Variants in SGCD observed in about 807,000 individuals in gnomAD.
SGCD encodes sarcoglycan delta, also known as delta-sarcoglycan.
SGCD carries 18 observed loss-of-function variants against 36.6 expected under a neutral mutation model. That is an observed-to-expected ratio of 0.49 (90% CI 0.34 to 0.73). The LOEUF (loss-of-function observed/expected upper bound fraction) is 0.73. SGCD is among the 30% of genes least tolerant of loss of function. The probability of loss-of-function intolerance (pLI) is 0.01; values close to 1 mark genes in which losing one functional copy is unlikely to be tolerated. For synonymous variants in SGCD, 133 were observed against 130.6 expected (o/e 1.02, Z -0.12); for missense variants, 387 against 346.7 (o/e 1.12, Z -0.92).
At chr5:156,345,704 C>T (rs1348760480) in intron 3 of SGCD, among the ~76,000 whole-genome samples, 1 of 151,962 alleles carries the variant, frequency 6.6e-6, no homozygotes, top group African/African-American at 2.4e-5. Context: ...AATAACAAAC[C>T]AAGAAACAAA....
chr5:156,423,300 A>ATATAT (rs1561685567), intron 3 of SGCD, among the ~76,000 whole-genome samples: 213 of 9,230 alleles, frequency 0.023, 4 homozygotes, highest in South Asian at 0.068. Context: ...TTATAATATA[A>ATATAT]TATATTTTAT....
the SGCD span, among the ~76,000 whole-genome samples, chr5:155,823,210 C>T: frequency 6.6e-6 from 1 of 150,500 alleles, no homozygotes; most frequent in Admixed American, 6.7e-5. Flanking sequence ...ATTCCACATT[C>T]TGCCTTCTCC....
At chr5:155,965,171 C>T (rs1409637271) in intron 1 of SGCD, among the ~76,000 whole-genome samples, 2 of 152,162 alleles carry the variant, frequency 1.3e-5, no homozygotes, top group Non-Finnish European at 2.9e-5. Context: ...TAGTCCTAAA[C>T]ATTCTCCCTA....
intron 4 of SGCD, among the ~76,000 whole-genome samples, chr5:156,519,265 C>G (rs115561319): frequency 0.018 from 2,670 of 152,162 alleles, 31 homozygotes; most frequent in Non-Finnish European, 0.029. Flanking sequence ...CACATACACC[C>G]TTCCCAGACT....
intron 3 of SGCD, among the ~76,000 whole-genome samples, chr5:156,320,740 C>T (rs1242818755): frequency 6.6e-6 from 1 of 152,188 alleles, no homozygotes; most frequent in Non-Finnish European, 1.5e-5. Context: ...TCAGCTTAGA[C>T]GCTGTGTCTG....
the SGCD span, among the ~76,000 whole-genome samples, chr5:155,749,640 G>A: frequency 6.6e-6 from 1 of 152,198 alleles, no homozygotes; most frequent in Non-Finnish European, 1.5e-5. Context: ...GCCAAAAAGG[G>A]AAGGCAGCAG....
intron 6 of SGCD, among the ~76,000 whole-genome samples, chr5:156,606,269 G>A (rs568454371): frequency 6.6e-6 from 1 of 152,198 alleles, no homozygotes; most frequent in African/African-American, 2.4e-5. Context: ...CACATGGCTA[G>A]CCAGTTTTCC....
chr5:156,622,703 G>T (rs540047560), intron 6 of SGCD, among the ~76,000 whole-genome samples: 14 of 152,090 alleles, frequency 9.2e-5, no homozygotes, highest in Admixed American at 3.3e-4. Flanking sequence ...CTGGACAAAG[G>T]GGGGTGTGAG....
At chr5:156,461,929 C>G (rs1754504779) in intron 3 of SGCD, among the ~76,000 whole-genome samples, 1 of 152,108 alleles carries the variant, frequency 6.6e-6, no homozygotes, top group African/African-American at 2.4e-5. Flanking sequence ...TACCTTGAGA[C>G]CTTGAGCTTC....
intron 8 of SGCD, among the ~76,000 whole-genome samples, chr5:156,758,651 T>A (rs1408245698): frequency 6.6e-6 from 1 of 152,210 alleles, no homozygotes; most frequent in Non-Finnish European, 1.5e-5. Context: ...TATCAGAATT[T>A]GAACTCTGGA....
chr5:156,749,289 T>C (rs931090910), intron 7 of SGCD, among the ~76,000 whole-genome samples: 2 of 152,152 alleles, frequency 1.3e-5, no homozygotes, highest in Non-Finnish European at 2.9e-5. Flanking sequence ...TAAATACTCC[T>C]TTGGGATGCC....
At chr5:156,171,343 A>G (rs1007050907) in intron 3 of SGCD, among the ~76,000 whole-genome samples, 6 of 152,200 alleles carry the variant, frequency 3.9e-5, no homozygotes, top group Non-Finnish European at 8.8e-5. Flanking sequence ...TCCTACTTGG[A>G]TATAAATTTC....
chr5:156,494,087 T>A (rs256844), intron 3 of SGCD, among the ~76,000 whole-genome samples: 77,584 of 151,816 alleles, frequency 0.51, 20,014 homozygotes, highest in East Asian at 0.57. Context: ...TAAAGCAAGA[T>A]GGGAATAAAT....
chr5:156,257,081 G>A (rs942888404), intron 3 of SGCD, among the ~76,000 whole-genome samples: 8 of 152,050 alleles, frequency 5.3e-5, no homozygotes, highest in Non-Finnish European at 1.5e-5. Flanking sequence ...TCAGGAGGCT[G>A]AGGTGGGAGG....
intron 4 of SGCD, among the ~76,000 whole-genome samples, chr5:156,521,052 C>G (rs531964601): frequency 1.8e-3 from 266 of 145,278 alleles, no homozygotes; most frequent in African/African-American, 6.6e-3. Flanking sequence ...GACCACACAT[C>G]TACAACCATC....
chr5:156,006,557 G>A (rs1055268149), intron 1 of SGCD, among the ~76,000 whole-genome samples: 5 of 151,908 alleles, frequency 3.3e-5, no homozygotes, highest in Admixed American at 1.3e-4. Flanking sequence ...GCTGAGAGCC[G>A]GAAAATATTT....
intron 3 of SGCD, among the ~76,000 whole-genome samples, chr5:156,461,482 A>G (rs933847734): frequency 6.6e-6 from 1 of 152,174 alleles, no homozygotes; most frequent in African/African-American, 2.4e-5. Context: ...AAACAATTTT[A>G]ATTTTGTATT....
At chr5:155,981,292 A>T (rs1336988152) in intron 1 of SGCD, among the ~76,000 whole-genome samples, 3 of 152,142 alleles carry the variant, frequency 2.0e-5, no homozygotes, top group East Asian at 1.9e-4. Context: ...GGGGCCATGG[A>T]ATTAGGTCCA....
At chr5:156,198,832 TCCAG>T (rs2127635969) in intron 3 of SGCD, among the ~76,000 whole-genome samples, 1 of 152,110 alleles carries the variant, frequency 6.6e-6, no homozygotes, top group Admixed American at 6.6e-5. Context: ...GTCAGGACTT[TCCAG>T]CCAATGGTGG....
Sources: allele counts gnomAD v4.1 joint callset (sites outside exome capture counted in the v4.1 genomes callset), GRCh38; gene constraint gnomAD v4.1.1; transcripts MANE v1.5; gene names NCBI Gene and HGNC (gene_info 2026-07-23, HGNC 2026-07-21).